PHEX: variants seen among roughly 807,000 people sequenced by gnomAD.
PHEX encodes phosphate-regulating neutral endopeptidase PHEX.
Under a neutral mutation model 68.0 loss-of-function variants are expected in PHEX, and 16 were observed. The ratio of observed to expected loss-of-function variants is 0.24; its 90% CI spans 0.16 to 0.36. PHEX has a LOEUF of 0.36. Ranked by LOEUF, PHEX falls within the 10% of genes least tolerant of loss-of-function variation. The probability of loss-of-function intolerance (pLI) is 1.00; values close to 1 mark genes in which losing one functional copy is unlikely to be tolerated. For missense variants in PHEX, 480 were observed against 575.5 expected, an observed-to-expected ratio of 0.83 and a Z score of 1.70; for synonymous variants, 208 against 205.1, an observed-to-expected ratio of 1.01 and a Z score of -0.12.
chrX:22,136,251 G>A (rs1270919299), intron 12 of PHEX, among the ~76,000 whole-genome samples: 1 of 111,308 alleles, frequency 9.0e-6, no homozygotes, highest in Admixed American at 9.6e-5. Flanking sequence ...AACAAGAAAG[G>A]AGAGACTTTG....
At chrX:22,247,783 C>A in intron 21 of PHEX, 68 bp from the exon 22 acceptor site, 1 of 757,779 alleles carries the variant, frequency 1.3e-6, no homozygotes. Context: ...TATTCTGCTA[C>A]AGTTTTATAC....
chrX:22,073,768 T>C (rs769887906), intron 3 of PHEX, among the ~76,000 whole-genome samples: 13 of 105,639 alleles, frequency 1.2e-4, no homozygotes, highest in Non-Finnish European at 2.5e-4. Context: ...GCCTCCCGAG[T>C]AGCTGGGACT....
chrX:22,161,470 G>T (rs1211872377), intron 12 of PHEX, among the ~76,000 whole-genome samples: 1 of 112,691 alleles, frequency 8.9e-6, no homozygotes, highest in Non-Finnish European at 1.9e-5. Flanking sequence ...GGTGTGAACA[G>T]CACTGAATGA....
In PHEX at chrX:22,132,972, C is replaced by T. The variant is rs749194087; in HGVS notation, c.1303-551C>T. On this transcript the variant is annotated intron_variant, in intron 11 of 21. Transcript: ENST00000379374. The stretch of plus-strand genomic sequence containing the variant: ...TGCAGTCATGGCTCACTGCAACCTC[C>T]ACCTCTTGGGCTCAAGCAATCCTCT... 1.4e-4 allele frequency among the ~76,000 whole-genome samples: 16 copies of T among 110,682 alleles called. No individual in the cohort carries two copies. In the East Asian group the frequency reaches 3.7e-3, roughly 25 times the overall value.
rs142397104 is a variant in PHEX, at chrX:22,050,682, A to G, written c.349+3471A>G. Among the ~76,000 whole-genome samples, 597 of 110,707 alleles carry G rather than the reference A, an allele frequency of 5.4e-3. 4 individuals carry two copies. Among genetic ancestry groups the G allele is most frequent in the African/African-American group, 0.019 (575 of 30,483 alleles). Reference sequence around the variant, plus strand: ...GTAATGCCTCCAGTATTTCCCCTGAAAACGTACACTTTTTTTGTTTGTTTG... The same window carrying G: ...GTAATGCCTCCAGTATTTCCCCTGAGAACGTACACTTTTTTTGTTTGTTTG... On this transcript the variant is annotated intron_variant, in intron 3 of 21. Coordinates refer to ENST00000379374, the MANE Select transcript of PHEX (RefSeq NM_000444.6).
intron 9 of PHEX, among the ~76,000 whole-genome samples, chrX:22,102,628 T>G (rs5951693): frequency 9.0e-6 from 1 of 111,327 alleles, no homozygotes; most frequent in South Asian, 3.7e-4. Context: ...GACATATGAA[T>G]GGAACCCCAA....
chrX:22,219,769 C>A, intron 17 of PHEX, among the ~76,000 whole-genome samples: 1 of 111,036 alleles, frequency 9.0e-6, no homozygotes, highest in Non-Finnish European at 1.9e-5. Context: ...CGGGCACGTG[C>A]CACTATGCCC....
chrX:22,226,845 C>G (rs1419846344), intron 19 of PHEX, among the ~76,000 whole-genome samples: 1 of 111,329 alleles, frequency 9.0e-6, no homozygotes, highest in Non-Finnish European at 1.9e-5. Context: ...TCCTTGAGTA[C>G]AGGTCTTTCT....
At chrX:22,209,052 T>A (rs1435664675) in intron 15 of PHEX, among the ~76,000 whole-genome samples, 1 of 111,474 alleles carries the variant, frequency 9.0e-6, no homozygotes, top group Non-Finnish European at 1.9e-5. Flanking sequence ...CTTGTGTAAG[T>A]TGGTATTGGA....
intron 12 of PHEX, among the ~76,000 whole-genome samples, chrX:22,144,693 C>T (rs764219749): frequency 1.8e-4 from 20 of 109,260 alleles, no homozygotes; most frequent in East Asian, 1.1e-3. Context: ...TTATTAGTAT[C>T]CTGTCTGTGT....
At chrX:22,219,628 T>C (rs987475334) in intron 17 of PHEX, among the ~76,000 whole-genome samples, 4 of 111,455 alleles carry the variant, frequency 3.6e-5, no homozygotes, top group South Asian at 7.6e-4. Flanking sequence ...TTATTATTAT[T>C]ATCATTATTG....
intron 15 of PHEX, among the ~76,000 whole-genome samples, chrX:22,200,903 T>G (rs770381775): frequency 1.8e-5 from 2 of 111,317 alleles, no homozygotes; most frequent in South Asian, 7.7e-4. Context: ...TATTGCCTCT[T>G]CTAACGATGC....
intron 15 of PHEX, among the ~76,000 whole-genome samples, chrX:22,209,804 T>G (rs1323064040): frequency 1.2e-4 from 11 of 93,419 alleles, no homozygotes; most frequent in Non-Finnish European, 2.1e-4. Flanking sequence ...TCCCTCTCCC[T>G]CTCCCTCTCC....
At chrX:22,206,880 C>T (rs183537412) in intron 15 of PHEX, among the ~76,000 whole-genome samples, 4 of 111,825 alleles carry the variant, frequency 3.6e-5, no homozygotes, top group African/African-American at 1.3e-4. Flanking sequence ...ATTAATGCAG[C>T]TTACAATAAT....
rs148315467 is a variant in PHEX at position 22,137,653 on chromosome X, G to A, written c.1404+4029G>A. Among the ~76,000 whole-genome samples, 430 of 111,345 alleles carry A rather than the reference G, an allele frequency of 3.9e-3. 3 individuals carry two copies. The highest frequency in any genetic ancestry group is 7.2e-3 in the Admixed American group (76 of 10,518). On this transcript the variant is annotated intron_variant, in intron 12 of 21. Transcript: ENST00000379374. ...TGGTTCCAGACCAGTAGCAGCAGTGGTCCCTGGGAACTCATTAGAGATGCA... is the reference window on the plus strand; with the variant it reads ...TGGTTCCAGACCAGTAGCAGCAGTGATCCCTGGGAACTCATTAGAGATGCA...
intron 13 of PHEX, chrX:22,171,612 C>T (rs938684685): frequency 1.8e-5 from 2 of 110,095 alleles, no homozygotes; most frequent in Non-Finnish European, 3.8e-5. Context: ...CAGCTGTGTA[C>T]TCCTGTGACT....
At chrX:22,161,705 TTCTC>T (rs1933137262) in intron 12 of PHEX, among the ~76,000 whole-genome samples, 1 of 111,829 alleles carries the variant, frequency 8.9e-6, no homozygotes, top group African/African-American at 3.2e-5. Context: ...TATTAGAAGA[TTCTC>T]TCAGCTACAA....
intron 14 of PHEX, among the ~76,000 whole-genome samples, chrX:22,187,731 G>T (rs780369651): frequency 8.9e-6 from 1 of 111,793 alleles, no homozygotes; most frequent in East Asian, 2.8e-4. Flanking sequence ...GCAAGTTTAT[G>T]TTAAACACTA....
At chrX:22,237,234 G>GAAATGAGGTAAAATCAA (rs1250773324) in intron 20 of PHEX, among the ~76,000 whole-genome samples, 3 of 112,155 alleles carry the variant, frequency 2.7e-5, no homozygotes, top group Non-Finnish European at 5.6e-5. Context: ...GAAGAAATAA[G>GAAATGAGGTAAAATCAA]AAATGAGGTA....
Sources: allele counts gnomAD v4.1 joint callset (sites outside exome capture counted in the v4.1 genomes callset), GRCh38; gene constraint gnomAD v4.1.1; transcripts MANE v1.5; gene names NCBI Gene and HGNC (gene_info 2026-07-23, HGNC 2026-07-21).